The following DIPK1A variants were observed in gnomAD, a reference collection of about 807,000 sequenced individuals.
DIPK1A encodes family with sequence similarity 69 member A.
DIPK1A carries 27 observed loss-of-function variants against 40.8 expected under a neutral mutation model. The observed-to-expected ratio is 0.66, with a 90% confidence interval of 0.49 to 0.91. The LOEUF (loss-of-function observed/expected upper bound fraction) is 0.91, where lower values mean the gene tolerates loss of function less well. DIPK1A is among the 40% of genes least tolerant of loss of function. The pLI is 0.00. For synonymous variants in DIPK1A, 166 were observed against 171.3 expected, an observed-to-expected ratio of 0.97 and a Z score of 0.24; for missense variants, 412 against 505.7, an observed-to-expected ratio of 0.81 and a Z score of 1.78.
chr1:92,914,774 GAAA>G (rs112356216), intron 1 of DIPK1A, among the ~76,000 whole-genome samples: 3 of 129,596 alleles, frequency 2.3e-5, no homozygotes, highest in African/African-American at 8.6e-5. Flanking sequence ...GTCTCAAAAA[GAAA>G]AAAAAAAAAA....
intron 4 of DIPK1A, chr1:92,835,228 C>T (rs1221571116): frequency 2.3e-6 from 1 of 432,786 alleles, no homozygotes; most frequent in Admixed American, 3.5e-5. Flanking sequence ...CAATGAAGAC[C>T]CTTGCTACTT....
At chr1:92,954,315 T>A (rs1481233034) in intron 1 of DIPK1A, among the ~76,000 whole-genome samples, 49 of 146,348 alleles carry the variant, frequency 3.3e-4, no homozygotes, top group Non-Finnish European at 5.3e-4. Flanking sequence ...AAAAAATAAA[T>A]AAATAAATAA....
At chr1:92,856,417 A>G (rs1216271485) in intron 2 of DIPK1A, among the ~76,000 whole-genome samples, 2 of 151,956 alleles carry the variant, frequency 1.3e-5, no homozygotes, top group African/African-American at 4.8e-5. Context: ...ACTATTATTT[A>G]TTATTATTAT....
chr1:92,836,405 T>TTTAA lies in DIPK1A; in HGVS notation c.475-3375_475-3372dup. ...CTATCCCTCACAGGTAAGAATACTA[T>TTTAA]TTAAGACCTTGGTGCCTGGACCGTG... On this transcript the variant is annotated intron_variant, in intron 4 of 4. Coordinates refer to the DIPK1A transcript ENST00000615519. 2 of 1,611,972 alleles carry TTTAA rather than the reference T, an allele frequency of 1.2e-6. No homozygotes were observed. The highest frequency in any genetic ancestry group is 2.2e-5 in the East Asian group (1 of 44,876).
At chr1:92,846,044 G>A (rs1557449133) in intron 4 of DIPK1A, 7 of 153,582 alleles carry the variant, frequency 4.6e-5, no homozygotes, top group Non-Finnish European at 1.5e-5. Context: ...AAGAAAGAAA[G>A]AAAAAAAATC....
chr1:92,890,544 G>A (rs2100800691), intron 1 of DIPK1A, among the ~76,000 whole-genome samples: 1 of 152,186 alleles, frequency 6.6e-6, no homozygotes. Flanking sequence ...TAATTTTATT[G>A]AATAGTTTTT....
intron 1 of DIPK1A, among the ~76,000 whole-genome samples, chr1:92,943,021 G>A (rs1651225657): frequency 6.6e-6 from 1 of 152,126 alleles, no homozygotes; most frequent in Admixed American, 6.5e-5. Flanking sequence ...AAATAGGGTA[G>A]GTAAATATTA....
intron 2 of DIPK1A, among the ~76,000 whole-genome samples, chr1:92,872,076 T>C (rs1166784685): frequency 4.5e-5 from 5 of 109,902 alleles, no homozygotes; most frequent in African/African-American, 1.8e-4. Context: ...AATCTTTTTT[T>C]TTTTTTTTTT....
intron 1 of DIPK1A, among the ~76,000 whole-genome samples, chr1:92,942,915 G>A (rs961187330): frequency 2.0e-5 from 3 of 152,146 alleles, no homozygotes; most frequent in East Asian, 1.9e-4. Context: ...CGCCCGCCTC[G>A]GCCTCCCAAA....
At chr1:92,907,735 C>T (rs927941458) in intron 1 of DIPK1A, among the ~76,000 whole-genome samples, 8 of 152,124 alleles carry the variant, frequency 5.3e-5, no homozygotes, top group African/African-American at 1.7e-4. Context: ...AGCCACCATG[C>T]GCAGCCTGTT....
intron 2 of DIPK1A, among the ~76,000 whole-genome samples, chr1:92,865,913 T>C (rs555241445): frequency 6.6e-5 from 10 of 152,346 alleles, no homozygotes; most frequent in African/African-American, 2.4e-4. Flanking sequence ...GCATATATAA[T>C]TTGTTCAACA....
intron 2 of DIPK1A, among the ~76,000 whole-genome samples, chr1:92,857,317 A>G (rs1381989294): frequency 6.8e-6 from 1 of 147,180 alleles, no homozygotes; most frequent in Non-Finnish European, 1.5e-5. Flanking sequence ...CGTTTGTCAT[A>G]TTGTTTTTTT....
intron 2 of DIPK1A, among the ~76,000 whole-genome samples, chr1:92,861,321 C>CTCT (rs1553125720): frequency 1.1e-4 from 9 of 83,544 alleles, no homozygotes; most frequent in East Asian, 7.8e-4. Context: ...CTCTCTCTCT[C>CTCT]TTTTTTTTTT....
At chr1:92,890,202 T>C (rs1648799010) in intron 1 of DIPK1A, among the ~76,000 whole-genome samples, 1 of 152,214 alleles carries the variant, frequency 6.6e-6, no homozygotes, top group Admixed American at 6.5e-5. Context: ...TGATTAGTTC[T>C]AAGAGTTTTT....
chr1:92,950,615 C>T (rs1416603265), intron 1 of DIPK1A, among the ~76,000 whole-genome samples: 1 of 152,048 alleles, frequency 6.6e-6, no homozygotes, highest in African/African-American at 2.4e-5. Context: ...ATTTGGGAGG[C>T]GGGAGGATAG....
Position 92,843,001 on chromosome 1 carries a change from C to A in DIPK1A, c.*382G>T, listed in dbSNP as rs1687436481. ...AGACATTAGTAAATTTATAAATTTTCTTGTTGAACAGCAGCTTCAATGCAA... is the reference window on the plus strand; with the variant it reads ...AGACATTAGTAAATTTATAAATTTTATTGTTGAACAGCAGCTTCAATGCAA... On this transcript the variant is annotated 3_prime_UTR_variant, in exon 5 of 5. Transcript: ENST00000370310. 9 of 994,334 alleles carry A rather than the reference C, an allele frequency of 9.1e-6. No individual in the cohort carries two copies. In the South Asian group the frequency reaches 4.1e-4, roughly 46 times the overall value. The allele number at this position is 994,334 out of a possible 1,614,324, so 61.6% of individuals were successfully genotyped here.
chr1:92,839,767 A>G (rs527275443), downstream of DIPK1A, among the ~76,000 whole-genome samples: 9 of 152,314 alleles, frequency 5.9e-5, no homozygotes, highest in African/African-American at 2.2e-4. Flanking sequence ...TTCTGCAGAC[A>G]AAAATTTGAT....
At chr1:92,881,631 A>G (rs573230579) in intron 1 of DIPK1A, among the ~76,000 whole-genome samples, 1 of 152,350 alleles carries the variant, frequency 6.6e-6, no homozygotes, top group South Asian at 2.1e-4. Context: ...ACTAGGCTCA[A>G]TGGTAAAACA....
intron 1 of DIPK1A, among the ~76,000 whole-genome samples, chr1:92,879,110 G>T (rs1173107059): frequency 6.6e-6 from 1 of 151,942 alleles, no homozygotes; most frequent in African/African-American, 2.4e-5. Flanking sequence ...AGCCTGGGAG[G>T]CAGAGGTTGC....
Sources: gnomAD v4.1 joint callset for allele counts (sites outside exome capture counted in the v4.1 genomes callset) on GRCh38, gnomAD v4.1.1 for gene constraint, MANE v1.5 for transcripts, NCBI Gene and HGNC (gene_info 2026-07-23, HGNC 2026-07-21) for gene names.